EIPR1: variants seen among roughly 807,000 people sequenced by gnomAD.
The protein encoded by EIPR1 is EARP complex and GARP complex interacting protein 1.
Under a neutral mutation model 48.1 loss-of-function variants are expected in EIPR1, and 25 were observed. The ratio of observed to expected loss-of-function variants is 0.52; its 90% CI spans 0.38 to 0.73. EIPR1 has a LOEUF of 0.73. Among genes scored for constraint, EIPR1 ranks in the 30% least tolerant of loss-of-function variants. The probability of loss-of-function intolerance (pLI) is 0.00; values close to 1 mark genes in which losing one functional copy is unlikely to be tolerated. For missense variants in EIPR1, 415 were observed against 506.2 expected (o/e 0.82, Z 1.73); for synonymous variants, 204 against 201.9 (o/e 1.01, Z -0.09).
intron 3 of EIPR1, among the ~76,000 whole-genome samples, chr2:3,263,195 T>A (rs1317083634): frequency 6.6e-6 from 1 of 152,076 alleles, no homozygotes; most frequent in Non-Finnish European, 1.5e-5. Flanking sequence ...AGAACGGTGA[T>A]CATGAGGCAG....
intron 4 of EIPR1, among the ~76,000 whole-genome samples, chr2:3,233,866 T>C (rs932192647): frequency 2.6e-5 from 4 of 152,212 alleles, no homozygotes; most frequent in Admixed American, 6.5e-5. Context: ...TTTAAAAATC[T>C]CAAAGATAGG....
chr2:3,211,707 C>T (rs2103130367), intron 5 of EIPR1, among the ~76,000 whole-genome samples: 1 of 152,354 alleles, frequency 6.6e-6, no homozygotes, highest in Middle Eastern at 3.4e-3. Context: ...TAGATGGCCA[C>T]CTTCAAGGAG....
At chr2:3,329,009 A>G (rs1372098201) in intron 3 of EIPR1, among the ~76,000 whole-genome samples, 4 of 79,962 alleles carry the variant, frequency 5.0e-5, no homozygotes, top group African/African-American at 2.0e-4. Flanking sequence ...TAATGATCTC[A>G]GGGTGCCAGC....
At chr2:3,302,823 G>T (rs544861522) in intron 3 of EIPR1, among the ~76,000 whole-genome samples, 2 of 152,206 alleles carry the variant, frequency 1.3e-5, no homozygotes, top group Non-Finnish European at 2.9e-5. Flanking sequence ...GGCTGAGCTC[G>T]GGGCGCTCCA....
At chr2:3,220,586 CA>C (rs894055571) in intron 4 of EIPR1, among the ~76,000 whole-genome samples, 22 of 152,176 alleles carry the variant, frequency 1.4e-4, no homozygotes, top group African/African-American at 5.3e-4. Flanking sequence ...CACATGCACA[CA>C]ATGGCTATTT....
chr2:3,291,997 C>T (rs1056650083), intron 3 of EIPR1, among the ~76,000 whole-genome samples: 6 of 152,390 alleles, frequency 3.9e-5, no homozygotes, highest in East Asian at 3.9e-4. Flanking sequence ...ACCATGCACA[C>T]GTGCTCGCCA....
At chr2:3,230,025 C>G in intron 4 of EIPR1, among the ~76,000 whole-genome samples, 1 of 152,172 alleles carries the variant, frequency 6.6e-6, no homozygotes, top group African/African-American at 2.4e-5. Context: ...ACAATTCTTC[C>G]CCATCCATGA....
intron 3 of EIPR1, among the ~76,000 whole-genome samples, chr2:3,315,156 CCTACCATCATCACCACCCCCTACCA>C: frequency 1.1e-5 from 1 of 89,892 alleles, no homozygotes; most frequent in African/African-American, 8.3e-5. Flanking sequence ...CGCCCCCATG[CCTACCATCATCACCACCCCCTACCA>C]CCACCATCAC....
chr2:3,269,236 AG>A (rs1667592379), intron 3 of EIPR1, among the ~76,000 whole-genome samples: 2 of 150,750 alleles, frequency 1.3e-5, no homozygotes, highest in African/African-American at 4.9e-5. Context: ...CATCGCACTC[AG>A]TCATCGCACT....
rs1441463523 is a variant in EIPR1, at chr2:3,189,267, G to T, written c.*67C>A. 33 of 1,428,462 alleles carry T rather than the reference G, an allele frequency of 2.3e-5. No homozygotes were observed. Among genetic ancestry groups the T allele is most frequent in the Non-Finnish European group, 3.0e-5 (32 of 1,071,784 alleles). The allele number at this position is 1,428,462 out of a possible 1,614,324, so 88.5% of individuals were successfully genotyped here. Reference sequence around the variant, plus strand: ...GAACACGAGTCACCTCCAAAGAGCTGCGACTGTTTGAGAATCTGCCAAGAG... The same window carrying T: ...GAACACGAGTCACCTCCAAAGAGCTTCGACTGTTTGAGAATCTGCCAAGAG... On this transcript the variant is annotated 3_prime_UTR_variant, in exon 9 of 9. Coordinates refer to ENST00000382125, the MANE Select transcript of EIPR1 (RefSeq NM_003310.5). The surrounding 1 kb of genome is among the most constrained non-coding windows in gnomAD (Gnocchi z 4.6).
intron 4 of EIPR1, among the ~76,000 whole-genome samples, chr2:3,224,323 G>A (rs1665989931): frequency 6.6e-6 from 1 of 152,206 alleles, no homozygotes; most frequent in Admixed American, 6.5e-5. Flanking sequence ...TGCCGTAAGA[G>A]CAACCGGCAC....
chr2:3,288,329 A>C (rs555175126), intron 3 of EIPR1, among the ~76,000 whole-genome samples: 1 of 152,344 alleles, frequency 6.6e-6, no homozygotes, highest in South Asian at 2.1e-4. Flanking sequence ...GGACTCTAGC[A>C]GTTTAGGAAA....
chr2:3,289,733 G>A (rs993881018), intron 3 of EIPR1, among the ~76,000 whole-genome samples: 70 of 152,330 alleles, frequency 4.6e-4, no homozygotes, highest in African/African-American at 1.6e-3. Flanking sequence ...CAGCAGACGA[G>A]TAGACACATG....
chr2:3,208,485 G>T, intron 5 of EIPR1: 3 of 1,517,518 alleles, frequency 2.0e-6, no homozygotes, highest in East Asian at 2.5e-5. Context: ...AGTTGGGAGG[G>T]GGCCCAATTA....
At chr2:3,267,131 G>T (rs7580438) in intron 3 of EIPR1, among the ~76,000 whole-genome samples, 1 of 152,192 alleles carries the variant, frequency 6.6e-6, no homozygotes, top group Admixed American at 6.5e-5. Flanking sequence ...CACCTCAGAG[G>T]GCCCAGTGGG....
At chr2:3,337,667 C>T (rs1380992016) in intron 3 of EIPR1, among the ~76,000 whole-genome samples, 1 of 152,156 alleles carries the variant, frequency 6.6e-6, no homozygotes, top group South Asian at 2.1e-4. Flanking sequence ...AAGACAGTCA[C>T]CAAGACACTA....
At chr2:3,361,110 T>A (rs904864176) in intron 1 of EIPR1, among the ~76,000 whole-genome samples, 4 of 152,098 alleles carry the variant, frequency 2.6e-5, no homozygotes, top group Non-Finnish European at 5.9e-5. Flanking sequence ...AAATAAACCC[T>A]CCAGGAGAAC....
rs1558242468 is a variant in EIPR1 at position 3,237,267 on chromosome 2, CACA to C, written c.416+20029_416+20031del. 3.4e-3 allele frequency among the ~76,000 whole-genome samples: 510 copies of C among 148,032 alleles called. 3 individuals are homozygous for C. Among genetic ancestry groups the C allele is most frequent in the African/African-American group, 0.012 (477 of 40,144 alleles). The stretch of plus-strand genomic sequence containing the variant: ...ACACACACACACACACACACACACA[CACA>C]CCATACATATGGCAGTCCTGCCTTA... On this transcript the variant is annotated intron_variant, in intron 4 of 8. Coordinates refer to ENST00000382125, the MANE Select transcript of EIPR1 (RefSeq NM_003310.5).
At chr2:3,210,755 T>C (rs13034417) in intron 5 of EIPR1, among the ~76,000 whole-genome samples, 139,808 of 151,904 alleles carry the variant, frequency 0.92, 64,591 homozygotes, top group East Asian at 0.98. Flanking sequence ...CCTAGCCTCC[T>C]GAGTAGCTGA....
Sources: gnomAD v4.1 joint callset for allele counts (sites outside exome capture counted in the v4.1 genomes callset) on GRCh38, gnomAD v4.1.1 for gene constraint, Gnocchi (gnomAD v3.1) non-coding constraint, MANE v1.5 for transcripts, NCBI Gene and HGNC (gene_info 2026-07-23, HGNC 2026-07-21) for gene names.